The following SGK1 variants were observed in gnomAD, a reference collection of about 807,000 sequenced individuals.
The protein encoded by SGK1 is serine/threonine-protein kinase Sgk1.
SGK1 carries 26 observed loss-of-function variants against 64.2 expected under a neutral mutation model. The observed-to-expected ratio is 0.40, with a 90% confidence interval of 0.30 to 0.56. The LOEUF is 0.56. Ranked by LOEUF, SGK1 falls within the 20% of genes least tolerant of loss-of-function variation. The pLI is 0.38. For missense variants in SGK1, 519 were observed against 645.6 expected (o/e 0.80, Z 2.12); for synonymous variants, 265 against 239.7 (o/e 1.11, Z -0.98).
intron 2 of SGK1, among the ~76,000 whole-genome samples, chr6:134,235,864 C>T (rs1318455485): frequency 2.0e-5 from 3 of 152,010 alleles, no homozygotes; most frequent in Admixed American, 1.3e-4. Context: ...TGTGAGCCGC[C>T]GCACCTGGCC....
intron 3 of SGK1, chr6:134,175,018 G>T: frequency 5.0e-6 from 5 of 993,974 alleles, no homozygotes; most frequent in Non-Finnish European, 6.9e-6. Context: ...GCGGCGGGCG[G>T]TTCTGTCCCC....
chr6:134,177,252 C>A lies in SGK1; in HGVS notation c.362-2666G>T, dbSNP rs542253034. Among the ~76,000 whole-genome samples the A allele has an allele frequency of 1.2e-3, 176 of 151,746 alleles. 2 individuals carry two copies. Among genetic ancestry groups the A allele is most frequent in the African/African-American group, 4.1e-3 (168 of 41,338 alleles). On this transcript the variant is annotated intron_variant, in intron 3 of 13. Coordinates refer to ENST00000367858, the MANE Select transcript of SGK1 (RefSeq NM_001143676.3). Reference sequence around the variant, plus strand: ...AACAAAAACAAAACAAAAACAAAAACAAAAAAAACACTAGTACCTGAAATT... The same window carrying A: ...AACAAAAACAAAACAAAAACAAAAAAAAAAAAAACACTAGTACCTGAAATT...
intron 2 of SGK1, among the ~76,000 whole-genome samples, chr6:134,241,048 C>CTTTTTTTTTTTTT (rs10686058): frequency 5.4e-5 from 4 of 74,076 alleles, no homozygotes; most frequent in African/African-American, 1.0e-4. Context: ...TTCTTTTTTT[C>CTTTTTTTTTTTTT]TTTTTTTTTT....
At chr6:134,246,143 T>C (rs1365439986) in intron 2 of SGK1, among the ~76,000 whole-genome samples, 1 of 151,788 alleles carries the variant, frequency 6.6e-6, no homozygotes, top group African/African-American at 2.4e-5. Flanking sequence ...GCTTGTTTCT[T>C]TTCTTTTTTT....
At chr6:134,224,847 C>G in intron 2 of SGK1, among the ~76,000 whole-genome samples, 1 of 146,988 alleles carries the variant, frequency 6.8e-6, no homozygotes, top group African/African-American at 2.5e-5. Context: ...ATGGTGAAAC[C>G]CCATCTCTAT....
Position 134,228,207 on chromosome 6 carries a change from G to A in SGK1, c.286-20776C>T, listed in dbSNP as rs559743321. On this transcript the variant is annotated intron_variant, in intron 2 of 13. Transcript: ENST00000367858. Reference sequence around the variant, plus strand: ...TGACCTCAGGTGATCCACCCGCCTCGGCCTCCCAAAGTGCTGGGATTACTG... The same window carrying A: ...TGACCTCAGGTGATCCACCCGCCTCAGCCTCCCAAAGTGCTGGGATTACTG... Among the ~76,000 whole-genome samples the A allele has an allele frequency of 7.1e-4, 108 of 152,038 alleles. 1 individual carries two copies. Among genetic ancestry groups the A allele is most frequent in the Non-Finnish European group, 1.9e-4 (13 of 67,998 alleles).
At chr6:134,175,160 C>T (rs376338270) in intron 3 of SGK1, among the ~76,000 whole-genome samples, 4 of 152,250 alleles carry the variant, frequency 2.6e-5, no homozygotes, top group South Asian at 4.1e-4. Context: ...CGGGGAGGGC[C>T]GGAGAGCCCG....
chr6:134,186,265 A>T (rs1775421873), intron 3 of SGK1, among the ~76,000 whole-genome samples: 1 of 152,200 alleles, frequency 6.6e-6, no homozygotes, highest in Admixed American at 6.5e-5. Flanking sequence ...AAAACATACC[A>T]GTCCCTTCCC....
rs368296582 is a variant in SGK1 at position 134,172,725 on chromosome 6, C to T, written c.884G>A (p.Arg295His). Reference sequence around the variant, plus strand: ...ACTGGCTATTTCAGCAGCATAGAAACGAGCCCGTGGTTCCAGGAAGCAGCG... The same window carrying T: ...ACTGGCTATTTCAGCAGCATAGAAATGAGCCCGTGGTTCCAGGAAGCAGCG... ...RERCFLEPRA[R>H]FYAAEIASAL... Residue 295 changes from arginine to histidine, a missense_variant, in exon 9 of 14, where the codon CGT becomes CAT. By Grantham distance (29) the Arg-to-His change is conservative. This residue lies in a region of SGK1 where 278 missense variants were observed against 408.7 expected (regional missense o/e 0.68). Coordinates refer to ENST00000367858, the MANE Select transcript of SGK1 (RefSeq NM_001143676.3). The T allele has an allele frequency of 1.8e-5, 29 of 1,613,992 alleles. No homozygotes were observed. Among genetic ancestry groups the T allele is most frequent in the African/African-American group, 1.2e-4 (9 of 74,906 alleles).
intron 2 of SGK1, chr6:134,261,029 A>ATC (rs1776758869): frequency 6.6e-6 from 1 of 152,216 alleles, no homozygotes; most frequent in African/African-American, 2.4e-5. Flanking sequence ...TAATTAAGTT[A>ATC]TAAGTTAAAA....
intron 2 of SGK1, among the ~76,000 whole-genome samples, chr6:134,223,628 A>C (rs1776125543): frequency 6.6e-6 from 1 of 152,232 alleles, no homozygotes; most frequent in African/African-American, 2.4e-5. Context: ...CTATACAGGA[A>C]CTAAGTCAAA....
At position 134,317,564 on chromosome 6, in the gene SGK1, T is replaced by G; in HGVS notation, c.-104A>C. ...CCTCCTGCAGACAGTTAATGAAGAC[T>G]GAGCGGGATGGAGAATCTAGCGGGG... On this transcript the variant is annotated 5_prime_UTR_variant, in exon 1 of 14. Coordinates refer to ENST00000367858, the MANE Select transcript of SGK1 (RefSeq NM_001143676.3). 1 of 775,554 alleles carries G rather than the reference T, an allele frequency of 1.3e-6. No homozygotes were observed. The highest frequency in any genetic ancestry group is 2.4e-6 in the Non-Finnish European group (1 of 423,666). The allele number at this position is 775,554 out of a possible 1,614,324, so 48.0% of individuals were successfully genotyped here.
chr6:134,292,912 G>A (rs544334215), intron 1 of SGK1, among the ~76,000 whole-genome samples: 14 of 152,288 alleles, frequency 9.2e-5, no homozygotes, highest in African/African-American at 3.1e-4. Context: ...TCACTTGACA[G>A]AATAAAAAAA....
intron 2 of SGK1, among the ~76,000 whole-genome samples, chr6:134,230,845 C>G (rs1234823701): frequency 1.3e-5 from 2 of 152,106 alleles, no homozygotes; most frequent in African/African-American, 4.8e-5. Context: ...GAAACCCTGT[C>G]TCTACTAAAA....
At chr6:134,266,921 T>A (rs1451145773) in intron 1 of SGK1, among the ~76,000 whole-genome samples, 1 of 152,188 alleles carries the variant, frequency 6.6e-6, no homozygotes, top group African/African-American at 2.4e-5. Context: ...CTGGTAACTG[T>A]TCTTGCTTTG....
chr6:134,300,420 C>G (rs568424577), intron 1 of SGK1, among the ~76,000 whole-genome samples: 1 of 151,318 alleles, frequency 6.6e-6, no homozygotes, highest in Admixed American at 6.6e-5. Flanking sequence ...CGCCTGTAGT[C>G]CTAGCTACTC....
intron 2 of SGK1, among the ~76,000 whole-genome samples, chr6:134,227,943 CTTTTTTTTT>C (rs869082001): frequency 3.4e-4 from 24 of 69,756 alleles, no homozygotes; most frequent in African/African-American, 9.9e-4. Flanking sequence ...GGAATTCATT[CTTTTTTTTT>C]TTTTTTTTTT....
rs911864362 is a variant in SGK1 at position 134,170,325 on chromosome 6, T to A, written c.1524A>T (p.Glu508Asp). 1 of 1,613,934 alleles carries A rather than the reference T, an allele frequency of 6.2e-7. No individual in the cohort carries two copies. Among genetic ancestry groups the A allele is most frequent in the Non-Finnish European group, 8.5e-7 (1 of 1,179,940 alleles). ...AAAAGCCTAGGAAAGCCTCGGCAGC[T>A]TCCTTGACGCTGGCTGTGACGAGGA... ...DSVLVTASVK[E>D]AAEAFLGFSY... is the part of the protein sequence containing the mutation. Residue 508 changes from glutamate (E) to aspartate (D), a missense_variant, in exon 14 of 14, where the codon GAA becomes GAT. Glu to Asp is a conservative substitution (Grantham distance 45). Transcript: ENST00000367858.
chr6:134,283,491 A>G (rs1777127747), intron 1 of SGK1, among the ~76,000 whole-genome samples: 1 of 135,166 alleles, frequency 7.4e-6, no homozygotes, highest in Admixed American at 7.1e-5. Flanking sequence ...ACTCTGCCTT[A>G]AAAAAAAAAC....
Sources: gnomAD v4.1 joint callset for allele counts (sites outside exome capture counted in the v4.1 genomes callset) on GRCh38, gnomAD v4.1.1 for gene constraint, gnomAD v4.1.1 regional missense constraint, MANE v1.5 for transcripts, NCBI Gene and HGNC (gene_info 2026-07-23, HGNC 2026-07-21) for gene names.